Variants in NIPBL observed in about 807,000 individuals in gnomAD.
NIPBL encodes nipped-B-like protein.
NIPBL carries 19 observed loss-of-function variants against 321.8 expected under a neutral mutation model. The ratio of observed to expected loss-of-function variants is 0.06; its 90% CI spans 0.04 to 0.09. The LOEUF (loss-of-function observed/expected upper bound fraction) is 0.09. Among genes scored for constraint, NIPBL ranks in the 10% least tolerant of loss-of-function variants. The pLI, the probability that NIPBL is intolerant of heterozygous loss-of-function variation, is 1.00. For missense variants in NIPBL, 2,210 were observed against 3,327.0 expected (o/e 0.66, Z 8.26); for synonymous variants, 1,106 against 1,114.1 (o/e 0.99, Z 0.14).
intron 1 of NIPBL, among the ~76,000 whole-genome samples, chr5:36,898,677 A>G (rs1256180890): frequency 6.6e-6 from 1 of 151,860 alleles, no homozygotes; most frequent in African/African-American, 2.4e-5. Flanking sequence ...ACGCCCACCC[A>G]ATTTTGTATT....
chr5:36,997,242 A>G (rs1580428839), intron 11 of NIPBL, among the ~76,000 whole-genome samples: 1 of 152,288 alleles, frequency 6.6e-6, no homozygotes, highest in Middle Eastern at 3.4e-3. Context: ...ACCCATATCT[A>G]GAACAGCCGA....
intron 6 of NIPBL, among the ~76,000 whole-genome samples, chr5:36,963,468 A>G (rs1741854339): frequency 6.6e-6 from 1 of 152,084 alleles, no homozygotes; most frequent in East Asian, 1.9e-4. Context: ...TTTTTTACAC[A>G]CGAACTCAAG....
In NIPBL at chr5:37,044,478, T is replaced by C. The variant is rs1752769548; in HGVS notation, c.6240T>C (p.Tyr2080=). ...ATCTAATGAAGCTCATCATCAAATA[T>C]GGCATGACTGTAAGCACTCAGTTTA... ...EEDLMKLIIK[Y]GMTVVQHCVS... Residue 2080 remains tyrosine (Y), a synonymous_variant, in exon 35 of 47, where the codon TAT becomes TAC. Transcript: ENST00000282516. 1 of 1,614,000 alleles carries C rather than the reference T, an allele frequency of 6.2e-7. No homozygotes were observed. The highest frequency in any genetic ancestry group is 8.5e-7 in the Non-Finnish European group (1 of 1,179,888).
At position 36,985,038 on chromosome 5, in the gene NIPBL, T is replaced by C; in HGVS notation, c.1858T>C (p.Leu620=). The change falls in exon 10 of 47, where the codon TTA becomes CTA. Residue 620 remains leucine, a synonymous_variant. Coordinates refer to ENST00000282516, the MANE Select transcript of NIPBL (RefSeq NM_133433.4). ...TGAAATGAAACAAAGTGAAAGTAGATTAGCAGAATCTAAACCAAATGAAAA... is the reference window on the plus strand; with the variant it reads ...TGAAATGAAACAAAGTGAAAGTAGACTAGCAGAATCTAAACCAAATGAAAA... ...KSEMKQSESR[L]AESKPNENRL... The C allele has an allele frequency of 1.2e-6, 2 of 1,613,866 alleles. No homozygotes were observed. The highest frequency in any genetic ancestry group is 1.7e-6 in the Non-Finnish European group (2 of 1,179,962).
chr5:36,926,687 T>C (rs1350483485), intron 1 of NIPBL, among the ~76,000 whole-genome samples: 1 of 152,178 alleles, frequency 6.6e-6, no homozygotes, highest in Non-Finnish European at 1.5e-5. Flanking sequence ...ATTACCTCAA[T>C]ATGAGGACTA....
At chr5:36,896,086 C>A (rs1746712048) in intron 1 of NIPBL, among the ~76,000 whole-genome samples, 1 of 152,274 alleles carries the variant, frequency 6.6e-6, no homozygotes, top group East Asian at 1.9e-4. Flanking sequence ...TACTCTGATC[C>A]ATTTTGAGTT....
Position 36,952,053 on chromosome 5 carries a change from T to TGTGTGTGTGTGTGTGTGC in NIPBL, c.-79-1564_-79-1563insTGTGTGTGTGTGTGTGCG, listed in dbSNP as rs778597604. ...GTGTGTGTGTGTGTGTGTGTGTGTG[T>TGTGTGTGTGTGTGTGTGC]GCGCGCGCGCGCGCGCGCGCATGTG... On this transcript the variant is annotated intron_variant, in intron 1 of 46. Transcript: ENST00000282516. Among the ~76,000 whole-genome samples, 322 of 112,160 alleles carry TGTGTGTGTGTGTGTGTGC rather than the reference T, an allele frequency of 2.9e-3. 1 individual carries two copies. The highest frequency in any genetic ancestry group is 3.8e-3 in the Non-Finnish European group (203 of 53,664). 73.6% of individuals were successfully genotyped at this position (112,160 alleles called of 152,430 possible).
At chr5:36,941,721 T>G (rs1739081971) in intron 1 of NIPBL, among the ~76,000 whole-genome samples, 1 of 152,164 alleles carries the variant, frequency 6.6e-6, no homozygotes, top group South Asian at 2.1e-4. Context: ...CACAGTAAGT[T>G]TACTTTTGTG....
At chr5:37,015,153 C>T (rs144203782) in intron 22 of NIPBL, among the ~76,000 whole-genome samples, 6,380 of 150,644 alleles carry the variant, frequency 0.042, 474 homozygotes, top group African/African-American at 0.15. Flanking sequence ...GACAGAGTTT[C>T]GCTCTTGTTG....
In NIPBL at chr5:37,025,259, T is replaced by C. The variant is rs572761445; in HGVS notation, c.5709+540T>C. Among the ~76,000 whole-genome samples, 26 of 152,298 alleles carry C rather than the reference T, an allele frequency of 1.7e-4. No homozygotes were observed. The South Asian group carries it at 5.2e-3, about 30-fold the overall frequency. On this transcript the variant is annotated intron_variant, in intron 30 of 46. Transcript: ENST00000282516. ...GGGTGAGACTCCATCTCAAAAAATG[T>C]GCATGTGTGTGTTGATTGATTTATT...
At chr5:36,945,904 C>G (rs912294911) in intron 1 of NIPBL, among the ~76,000 whole-genome samples, 6 of 152,020 alleles carry the variant, frequency 3.9e-5, no homozygotes, top group Admixed American at 1.3e-4. Flanking sequence ...GTGCCACTCT[C>G]TAGGGACTCA....
rs940575880 is a variant in NIPBL at position 36,962,650 on chromosome 5, A to G, written c.610+376A>G. On this transcript the variant is annotated intron_variant, in intron 6 of 46. Transcript: ENST00000282516. ...AGTAGATACAGTCAGCCTTTCACAT[A>G]CATGGTTTCTGCATCATGGATTCAA... Among the ~76,000 whole-genome samples, 3 of 152,236 alleles carry G rather than the reference A, an allele frequency of 2.0e-5. 1 individual carries two copies. Among genetic ancestry groups the G allele is most frequent in the Admixed American group, 2.0e-4 (3 of 15,282 alleles).
intron 21 of NIPBL, among the ~76,000 whole-genome samples, chr5:37,010,453 T>C (rs1326663327): frequency 6.6e-6 from 1 of 152,064 alleles, no homozygotes; most frequent in Non-Finnish European, 1.5e-5. Context: ...GTAGCTGGGA[T>C]TACAGGCACG....
rs769908350 is a variant in NIPBL at position 37,017,783 on chromosome 5, A to G, written c.4920+621A>G. The stretch of plus-strand genomic sequence containing the variant: ...AAATGCCTCTAATTTTTTTTTAGCT[A>G]TAGTTCGTGTTTTGAAATAATCTCA... On this transcript the variant is annotated intron_variant, in intron 24 of 46. Coordinates refer to ENST00000282516, the MANE Select transcript of NIPBL (RefSeq NM_133433.4). Among the ~76,000 whole-genome samples the G allele has an allele frequency of 4.6e-5, 7 of 151,508 alleles. No individual in the cohort carries two copies. The East Asian group carries it at 9.6e-4, about 21-fold the overall frequency.
At chr5:36,955,405 A>C in intron 2 of NIPBL, 67 bp from the exon 3 acceptor site, 2 of 1,299,494 alleles carry the variant, frequency 1.5e-6, no homozygotes, top group Non-Finnish European at 2.2e-6. Flanking sequence ...ATCCCAAAAT[A>C]CAGATAAGCA....
intron 10 of NIPBL, among the ~76,000 whole-genome samples, chr5:36,987,046 T>C (rs1346356079): frequency 6.6e-6 from 1 of 152,158 alleles, no homozygotes; most frequent in Admixed American, 6.5e-5. Flanking sequence ...TTAAAATAAC[T>C]TTTTTTATTT....
rs189730277 is a variant in NIPBL, at chr5:36,928,254, A to G, written c.-79-25364A>G. 2.0e-4 allele frequency among the ~76,000 whole-genome samples: 30 copies of G among 152,326 alleles called. 1 individual carries two copies. In the East Asian group the frequency reaches 5.0e-3, roughly 25 times the overall value. On this transcript the variant is annotated intron_variant, in intron 1 of 46. Coordinates refer to ENST00000282516, the MANE Select transcript of NIPBL (RefSeq NM_133433.4). ...TGTAACTGTCATCCTAGGGTAAGTGAAGTAGTCTTTAACTACATGCAGGTG... is the reference window on the plus strand; with the variant it reads ...TGTAACTGTCATCCTAGGGTAAGTGGAGTAGTCTTTAACTACATGCAGGTG...
At chr5:36,904,400 C>T (rs573325992) in intron 1 of NIPBL, among the ~76,000 whole-genome samples, 8 of 152,250 alleles carry the variant, frequency 5.3e-5, no homozygotes, top group South Asian at 2.1e-4. Context: ...ACCCGGGAGG[C>T]GGAGGTTGCA....
intron 42 of NIPBL, among the ~76,000 whole-genome samples, chr5:37,053,277 G>T (rs1055437126): frequency 6.6e-6 from 1 of 152,070 alleles, no homozygotes; most frequent in Admixed American, 6.6e-5. Context: ...TAACACAATG[G>T]TAAGTATTCA....
Sources: gnomAD v4.1 joint callset for allele counts (sites outside exome capture counted in the v4.1 genomes callset) on GRCh38, gnomAD v4.1.1 for gene constraint, MANE v1.5 for transcripts, NCBI Gene and HGNC (gene_info 2026-07-23, HGNC 2026-07-21) for gene names.